TAOK1: variants seen among roughly 807,000 people sequenced by gnomAD.
TAOK1 encodes TAO kinase 1.
TAOK1 carries 21 observed loss-of-function variants against 138.3 expected under a neutral mutation model. That is an observed-to-expected ratio of 0.15 (90% confidence interval 0.11 to 0.22). The LOEUF is 0.22. Ranked by LOEUF, TAOK1 falls within the 10% of genes least tolerant of loss-of-function variation. TAOK1 has a pLI of 1.00. For synonymous variants in TAOK1, 361 were observed against 398.4 expected (o/e 0.91, Z 1.12); for missense variants, 651 against 1,227.7 (o/e 0.53, Z 7.02).
rs2031449587 is a variant in TAOK1 at position 29,498,171 on chromosome 17, G to A, written c.1000-147G>A. ...AAACTAACAGTTGATAAACTTCCTG[G>A]TCTTGGAAAATAAAAGCAATTTCTC... On this transcript the variant is annotated intron_variant, in intron 11 of 19. Coordinates refer to ENST00000261716, the MANE Select transcript of TAOK1 (RefSeq NM_020791.4). 4.2e-6 allele frequency: 3 copies of A among 718,798 alleles called. No individual in the cohort carries two copies. The South Asian group carries it at 6.1e-5, about 15-fold the overall frequency. The allele number at this position is 718,798 out of a possible 1,614,324, so 44.5% of individuals were successfully genotyped here. A position where few individuals can be genotyped will look rare whatever the true frequency, so the allele number is the denominator to read the frequency against.
chr17:29,489,650 C>T lies in TAOK1; in HGVS notation c.656-14C>T, dbSNP rs779373842. The T allele has an allele frequency of 1.6e-5, 25 of 1,586,706 alleles. No individual in the cohort carries two copies. The highest frequency in any genetic ancestry group is 2.7e-5 in the African/African-American group (2 of 73,254). ...GGAACCTATTTTAACAGGAATGTTT[C>T]CTTTCTTTTACAGCGGAAAGGAAGC... is the stretch of plus-strand genomic sequence containing the variant. On this transcript the variant is annotated splice_polypyrimidine_tract_variant and intron_variant, in intron 8 of 19. Coordinates refer to ENST00000261716, the MANE Select transcript of TAOK1 (RefSeq NM_020791.4).
chr17:29,400,571 T>A (rs1208602938), intron 1 of TAOK1, among the ~76,000 whole-genome samples: 1 of 152,136 alleles, frequency 6.6e-6, no homozygotes, highest in African/African-American at 2.4e-5. Context: ...TTTGTAGGTA[T>A]GTCCTTACCT....
At chr17:29,477,608 T>C (rs1218054290) in intron 4 of TAOK1, 53 bp from the exon 5 acceptor site, 2 of 1,030,712 alleles carry the variant, frequency 1.9e-6, no homozygotes, top group Non-Finnish European at 2.5e-6. Context: ...CTTAAATTTA[T>C]ATTAAATCTT....
chr17:29,418,629 C>T (rs1381625293), intron 1 of TAOK1, among the ~76,000 whole-genome samples: 2 of 152,210 alleles, frequency 1.3e-5, no homozygotes, highest in Non-Finnish European at 2.9e-5. Flanking sequence ...ATATAACCTA[C>T]ATACATCTTC....
intron 3 of TAOK1, among the ~76,000 whole-genome samples, chr17:29,469,988 G>T (rs1047153625): frequency 7.2e-5 from 11 of 152,116 alleles, no homozygotes; most frequent in African/African-American, 2.4e-5. Context: ...GGAGGTATAT[G>T]ATCTTAAATC....
chr17:29,489,969 G>A (rs957619442), intron 9 of TAOK1, among the ~76,000 whole-genome samples: 1 of 152,024 alleles, frequency 6.6e-6, no homozygotes, highest in African/African-American at 2.4e-5. Context: ...AAGGATGGAT[G>A]ATGTCACATG....
In TAOK1 at chr17:29,507,919, T is replaced by C. The variant is rs753755860; in HGVS notation, c.1362T>C (p.His454=). 1.2e-6 allele frequency: 2 copies of C among 1,613,868 alleles called. No homozygotes were observed. Among genetic ancestry groups the C allele is most frequent in the Non-Finnish European group, 1.7e-6 (2 of 1,179,910 alleles). Residue 454 remains histidine (H), a synonymous_variant, in exon 14 of 20, where the codon CAT becomes CAC. Transcript: ENST00000261716. Reference sequence around the variant, plus strand: ...AGGTTACGAGGCAAATGCAAGAACATGAGCAGGACTCTGAGCTTAGAGAAC... The same window carrying C: ...AGGTTACGAGGCAAATGCAAGAACACGAGCAGGACTCTGAGCTTAGAGAAC... ...ASLVTRQMQE[H]EQDSELREQM...
intron 15 of TAOK1, 30 bp downstream of exon 15, chr17:29,511,022 A>G: frequency 1.3e-6 from 2 of 1,564,714 alleles, no homozygotes; most frequent in Non-Finnish European, 1.7e-6. Flanking sequence ...TTCCAAGCAA[A>G]TTTTCTGCTT....
At chr17:29,439,492 C>A (rs953863957) in intron 1 of TAOK1, among the ~76,000 whole-genome samples, 1 of 152,030 alleles carries the variant, frequency 6.6e-6, no homozygotes, top group African/African-American at 2.4e-5. Context: ...CATGAGCCAC[C>A]GTGCCCAGCC....
chr17:29,437,462 T>G (rs1906070407), intron 1 of TAOK1, among the ~76,000 whole-genome samples: 1 of 151,880 alleles, frequency 6.6e-6, no homozygotes, highest in Non-Finnish European at 1.5e-5. Context: ...CCTCTCAAAG[T>G]GTTGGGATTA....
intron 2 of TAOK1, among the ~76,000 whole-genome samples, chr17:29,452,408 CATT>C (rs2030262588): frequency 6.6e-6 from 1 of 152,032 alleles, no homozygotes; most frequent in South Asian, 2.1e-4. Context: ...TGTAAAGTCC[CATT>C]CAGAGTCAAT....
intron 1 of TAOK1, among the ~76,000 whole-genome samples, chr17:29,440,181 T>G (rs1268192959): frequency 6.6e-6 from 1 of 152,194 alleles, no homozygotes; most frequent in African/African-American, 2.4e-5. Flanking sequence ...ACTTGCATTT[T>G]TAAAAATCAC....
intron 1 of TAOK1, among the ~76,000 whole-genome samples, chr17:29,449,775 G>A (rs1345983289): frequency 6.6e-6 from 1 of 152,068 alleles, no homozygotes; most frequent in Non-Finnish European, 1.5e-5. Flanking sequence ...TGGGAGATGG[G>A]TGTTGCAGTG....
At chr17:29,402,646 TTTTTA>T (rs1318449315) in intron 1 of TAOK1, among the ~76,000 whole-genome samples, 1 of 152,198 alleles carries the variant, frequency 6.6e-6, no homozygotes, top group Non-Finnish European at 1.5e-5. Flanking sequence ...ATATCTTTTA[TTTTTA>T]TTTTATTTGG....
chr17:29,471,303 T>C (rs1317896297), intron 3 of TAOK1, among the ~76,000 whole-genome samples: 1 of 113,434 alleles, frequency 8.8e-6, no homozygotes, highest in Non-Finnish European at 1.7e-5. Flanking sequence ...TTTTTTGAGA[T>C]GAAGTCTCAC....
chr17:29,502,638 A>G lies in TAOK1; in HGVS notation c.1253A>G (p.Asp418Gly), dbSNP rs747429235. ...EEGDPRTRAS[D>G]PQSPPQVSRH... ...GGAGATCCTAGAACAAGAGCATCAG[A>G]TCCACAATCTCCACCCCAAGTATCT... The change falls in exon 13 of 20, where the codon GAT becomes GGT. Residue 418 changes from aspartate (D) to glycine (G), a missense_variant. Asp to Gly is a moderately conservative substitution (Grantham distance 94). Transcript: ENST00000261716. 4 of 1,613,840 alleles carry G rather than the reference A, an allele frequency of 2.5e-6. No homozygotes were observed. Among genetic ancestry groups the G allele is most frequent in the Non-Finnish European group, 3.4e-6 (4 of 1,179,992 alleles).
At chr17:29,452,929 T>A (rs2030274869) in intron 2 of TAOK1, among the ~76,000 whole-genome samples, 1 of 152,166 alleles carries the variant, frequency 6.6e-6, no homozygotes, top group South Asian at 2.1e-4. Flanking sequence ...TTGTGAATGA[T>A]GCTGCCATGA....
intron 1 of TAOK1, among the ~76,000 whole-genome samples, chr17:29,410,955 T>A (rs994888465): frequency 4.6e-5 from 7 of 152,006 alleles, no homozygotes; most frequent in Admixed American, 4.6e-4. Context: ...ATTATCTTAA[T>A]TCTACTTTAC....
In TAOK1 at chr17:29,543,856, TTCAA is replaced by T; in HGVS notation, c.*836_*839del. On this transcript the variant is annotated 3_prime_UTR_variant, in exon 20 of 20. Coordinates refer to ENST00000261716, the MANE Select transcript of TAOK1 (RefSeq NM_020791.4). Reference sequence around the variant, plus strand: ...GATTGCATTAACAAACCTATGAGCCTTCAATGGGGAAGACCAGAAGGGTGAGAGG... The same window carrying T: ...GATTGCATTAACAAACCTATGAGCCTTGGGGAAGACCAGAAGGGTGAGAGG... 1 of 152,172 alleles carries T rather than the reference TTCAA, an allele frequency of 6.6e-6. No homozygotes were observed. Among genetic ancestry groups the T allele is most frequent in the East Asian group, 1.9e-4 (1 of 5,196 alleles). The allele number at this position is 152,172 out of a possible 1,614,324, so 9.4% of individuals were successfully genotyped here.
Sources: allele counts gnomAD v4.1 joint callset (sites outside exome capture counted in the v4.1 genomes callset), GRCh38; gene constraint gnomAD v4.1.1; transcripts MANE v1.5; gene names NCBI Gene and HGNC (gene_info 2026-07-23, HGNC 2026-07-21).